The following DNAH12 variants were observed in gnomAD, a reference collection of about 807,000 sequenced individuals.
The protein encoded by DNAH12 is axonemal beta dynein heavy chain 12.
In DNAH12, 285 loss-of-function variants were observed where a neutral mutation model predicts 371.5. The observed-to-expected ratio is 0.77, with a 90% confidence interval of 0.70 to 0.85. The LOEUF is 0.85. Among genes scored for constraint, DNAH12 ranks in the 40% least tolerant of loss-of-function variants. The pLI is 0.00. For synonymous variants in DNAH12, 1,200 were observed against 1,213.0 expected (o/e 0.99, Z 0.22); for missense variants, 3,611 against 3,689.4 (o/e 0.98, Z 0.55).
At chr3:57,420,366 C>T (rs1474647444) in intron 36 of DNAH12, among the ~76,000 whole-genome samples, 1 of 152,138 alleles carries the variant, frequency 6.6e-6, no homozygotes, top group African/African-American at 2.4e-5. Context: ...GCAAATTGTA[C>T]ACGTATATGT....
chr3:57,302,555 A>ATGTG (rs1559535346), intron 69 of DNAH12, among the ~76,000 whole-genome samples: 9 of 80,986 alleles, frequency 1.1e-4, no homozygotes, highest in Admixed American at 3.6e-4. Context: ...ATATATATAT[A>ATGTG]TATATATATG....
Position 57,470,636 on chromosome 3 carries a change from A to G in DNAH12, c.1912T>C (p.Tyr638His). 6.6e-7 allele frequency: 1 copy of G among 1,521,594 alleles called. No homozygotes were observed. The highest frequency in any genetic ancestry group is 8.8e-7 in the Non-Finnish European group (1 of 1,140,168). 94.3% of individuals were successfully genotyped at this position (1,521,594 alleles called of 1,614,324 possible). ...TGTAGTTGTCTTACATCTGTCACAT[A>G]CTGAAAGTAAATAAGTTTTTTGTCT... ...EFAELERMQQ[Y>H]VTDVRQLQKR... is the part of the protein sequence containing the mutation. Residue 638 changes from tyrosine to histidine, a missense_variant and splice_region_variant, in exon 16 of 74, where the codon TAT (tyrosine) becomes CAT (histidine). This residue lies in a region of DNAH12 where 1,314 missense variants were observed against 1,398.7 expected (regional missense o/e 0.94). Transcript: ENST00000495027.
intron 60 of DNAH12, among the ~76,000 whole-genome samples, chr3:57,338,437 G>A (rs1553654634): frequency 2.7e-5 from 4 of 148,032 alleles, no homozygotes; most frequent in Admixed American, 6.7e-5. Flanking sequence ...CTGCCTGGCC[G>A]CCCATCATCT....
rs775146900 is a variant in DNAH12, at chr3:57,462,729, G to A, written c.2496C>T (p.Tyr832=). The change falls in exon 18 of 74, where the codon TAC becomes TAT. Residue 832 remains tyrosine (Y), a synonymous_variant. Transcript: ENST00000495027. The part of the protein sequence containing the change: ...RKVLKLNLTP[Y]LEQFEVISAG... ...CACTTATCACTTCAAATTGTTCCAAGTATGGGGTAAGGTTTAATTTTAAAA... is the reference window on the plus strand; with the variant it reads ...CACTTATCACTTCAAATTGTTCCAAATATGGGGTAAGGTTTAATTTTAAAA... 1.3e-6 allele frequency: 2 copies of A among 1,551,468 alleles called. No individual in the cohort carries two copies. The highest frequency in any genetic ancestry group is 1.7e-6 in the Non-Finnish European group (2 of 1,146,894).
intron 17 of DNAH12, among the ~76,000 whole-genome samples, chr3:57,467,366 C>A (rs1175606568): frequency 1.3e-5 from 2 of 152,122 alleles, no homozygotes; most frequent in Non-Finnish European, 2.9e-5. Context: ...AGGTGATCTG[C>A]CTGCCTCAGC....
chr3:57,320,183 G>C (rs1408851082), intron 65 of DNAH12, among the ~76,000 whole-genome samples: 1 of 152,170 alleles, frequency 6.6e-6, no homozygotes, highest in Non-Finnish European at 1.5e-5. Flanking sequence ...TGGGGATTAT[G>C]GTTGAGCTTG....
In DNAH12 at chr3:57,293,967, T is replaced by C. The variant is rs765033137; in HGVS notation, c.11697A>G (p.Gln3899=). The part of the protein sequence containing the change: ...LMPIIWIKPT[Q]KSRIIKSDAY... ...CATCCGACTTTATAATCCGAGATTT[T>C]TGAGCTTGAAAAAAAAAAAGAAATA... Residue 3899 remains glutamine (Q), a synonymous_variant, in exon 74 of 74, where the codon CAA becomes CAG. Coordinates refer to ENST00000495027, the MANE Select transcript of DNAH12 (RefSeq NM_001366028.2). The C allele has an allele frequency of 3.3e-5, 47 of 1,406,820 alleles. No individual in the cohort carries two copies. The African/African-American group carries it at 5.6e-4, about 17-fold the overall frequency. 87.1% of individuals were successfully genotyped at this position (1,406,820 alleles called of 1,614,324 possible). A position where few individuals can be genotyped will look rare whatever the true frequency, so the allele number is the denominator to read the frequency against.
chr3:57,295,693 A>G lies in DNAH12; in HGVS notation c.11625-101T>C. On this transcript the variant is annotated intron_variant, in intron 72 of 73. Transcript: ENST00000495027. ...TTGGCTTTTACTAAAAGAAAGGACTAGAGGCATAGAGAAAAAGAAATGTAA... is the reference window on the plus strand; with the variant it reads ...TTGGCTTTTACTAAAAGAAAGGACTGGAGGCATAGAGAAAAAGAAATGTAA... 4.4e-6 allele frequency: 4 copies of G among 912,866 alleles called. No individual in the cohort carries two copies. In the East Asian group the frequency reaches 8.6e-5, roughly 20 times the overall value. The allele number at this position is 912,866 out of a possible 1,614,324, so 56.5% of individuals were successfully genotyped here.
At chr3:57,317,866 TATGAG>T (rs1373164548) in intron 65 of DNAH12, among the ~76,000 whole-genome samples, 3 of 152,144 alleles carry the variant, frequency 2.0e-5, no homozygotes, top group African/African-American at 7.2e-5. Flanking sequence ...TCCCAGAAGG[TATGAG>T]ATGATATCTC....
chr3:57,356,018 C>G (rs1282571604), intron 59 of DNAH12, among the ~76,000 whole-genome samples: 2 of 152,130 alleles, frequency 1.3e-5, no homozygotes, highest in Non-Finnish European at 2.9e-5. Flanking sequence ...AATTACCTCA[C>G]GTTAACGAAT....
At chr3:57,390,049 T>A (rs2153346648) in intron 45 of DNAH12, among the ~76,000 whole-genome samples, 1 of 149,444 alleles carries the variant, frequency 6.7e-6, no homozygotes, top group South Asian at 2.1e-4. Context: ...TTGGCCAGGA[T>A]GCTCTCCATC....
chr3:57,326,583 C>A (rs953370543), intron 62 of DNAH12, among the ~76,000 whole-genome samples: 1 of 152,138 alleles, frequency 6.6e-6, no homozygotes, highest in Non-Finnish European at 1.5e-5. Flanking sequence ...AAGGAACAAC[C>A]AGTACCAGCC....
chr3:57,378,729 T>G (rs2063330473), intron 52 of DNAH12, among the ~76,000 whole-genome samples: 1 of 152,196 alleles, frequency 6.6e-6, no homozygotes, highest in African/African-American at 2.4e-5. Flanking sequence ...CAAGGCATGT[T>G]CTTGTTTCAG....
Position 57,309,213 on chromosome 3 carries a change from A to C in DNAH12, c.11127T>G (p.Tyr3709Ter). ...TCATGCTTTCTTCATATCTCACAGG[A>C]TACTTCCGTAGTGCCATTTCAATGT... ...DFDIEMALRK[Y>*]PVRYEESMNT... is the part of the protein sequence containing the mutation. The change falls in exon 69 of 74, where the codon TAT (tyrosine) becomes TAG (stop). Residue 3709 changes from tyrosine to a stop codon, truncating the protein, a stop_gained. Transcript: ENST00000495027. LOFTEE classifies it high-confidence loss of function. 3 of 1,550,586 alleles carry C rather than the reference A, an allele frequency of 1.9e-6. No individual in the cohort carries two copies. Among genetic ancestry groups the C allele is most frequent in the Non-Finnish European group, 2.6e-6 (3 of 1,146,762 alleles).
intron 65 of DNAH12, among the ~76,000 whole-genome samples, chr3:57,318,171 G>T (rs2061727382): frequency 6.6e-6 from 1 of 151,768 alleles, no homozygotes; most frequent in Non-Finnish European, 1.5e-5. Flanking sequence ...TTTTAGTTTG[G>T]TTTGATCCCA....
chr3:57,313,762 G>A (rs2061628700), intron 66 of DNAH12, among the ~76,000 whole-genome samples: 3 of 152,134 alleles, frequency 2.0e-5, no homozygotes, highest in Non-Finnish European at 4.4e-5. Flanking sequence ...AGCTATGATT[G>A]CATCACTGCA....
intron 45 of DNAH12, among the ~76,000 whole-genome samples, chr3:57,388,283 C>G (rs2153346002): frequency 6.6e-6 from 1 of 152,308 alleles, no homozygotes; most frequent in Non-Finnish European, 1.5e-5. Context: ...AGCATTCCTT[C>G]CCCCATTACT....
chr3:57,305,191 A>G (rs1295635854), intron 69 of DNAH12, among the ~76,000 whole-genome samples: 1 of 152,100 alleles, frequency 6.6e-6, no homozygotes, highest in Non-Finnish European at 1.5e-5. Context: ...ATTCTTTTAC[A>G]CATTGTTCCC....
chr3:57,378,827 C>T (rs2063331940), intron 52 of DNAH12, among the ~76,000 whole-genome samples: 1 of 152,174 alleles, frequency 6.6e-6, no homozygotes, highest in African/African-American at 2.4e-5. Flanking sequence ...GCACTTTCCC[C>T]TTGATGTTTT....
Sources: allele counts gnomAD v4.1 joint callset (sites outside exome capture counted in the v4.1 genomes callset), GRCh38; gene constraint gnomAD v4.1.1; regional missense constraint gnomAD v4.1.1; transcripts MANE v1.5; gene names NCBI Gene and HGNC (gene_info 2026-07-23, HGNC 2026-07-21).